Variants in ATXN10 observed in about 807,000 individuals in gnomAD.
ATXN10 encodes ataxin-10.
A neutral mutation model predicts 52.9 loss-of-function variants in ATXN10; 28 were observed. That is an observed-to-expected ratio of 0.53 (90% CI 0.39 to 0.73). The LOEUF (loss-of-function observed/expected upper bound fraction) is 0.73. Among genes scored for constraint, ATXN10 ranks in the 30% least tolerant of loss-of-function variants. The probability of loss-of-function intolerance (pLI) is 0.00; values close to 1 mark genes in which losing one functional copy is unlikely to be tolerated. For missense variants in ATXN10, 565 were observed against 577.0 expected (o/e 0.98, Z 0.21); for synonymous variants, 226 against 221.5 (o/e 1.02, Z -0.18).
chr22:45,748,616 TTA>T (rs1925828167), intron 9 of ATXN10, among the ~76,000 whole-genome samples: 1 of 152,236 alleles, frequency 6.6e-6, no homozygotes, highest in East Asian at 1.9e-4. Context: ...AACTTTTAAA[TTA>T]CAGGGCATAT....
intron 10 of ATXN10, among the ~76,000 whole-genome samples, chr22:45,834,066 C>T (rs549882627): frequency 6.6e-6 from 1 of 152,330 alleles, no homozygotes; most frequent in Admixed American, 6.5e-5. Flanking sequence ...GCCCCTGGCA[C>T]ATCCTGTGTC....
At chr22:45,827,172 C>G (rs560085873) in intron 10 of ATXN10, among the ~76,000 whole-genome samples, 1 of 132,364 alleles carries the variant, frequency 7.6e-6, no homozygotes, top group Non-Finnish European at 1.6e-5. Context: ...CACACACACA[C>G]GGCTATAGAA....
rs2146787823 is a variant in ATXN10 at position 45,728,182 on chromosome 22, G to T, written c.729-1243G>T. Reference sequence around the variant, plus strand: ...TTCTCCATTGTGTTACTGTTTTATAGGTGCTGTGCATTTTGTGCTTTCAAG... The same window carrying T: ...TTCTCCATTGTGTTACTGTTTTATATGTGCTGTGCATTTTGTGCTTTCAAG... On this transcript the variant is annotated intron_variant, in intron 6 of 11. Coordinates refer to ENST00000252934, the MANE Select transcript of ATXN10 (RefSeq NM_013236.4). The surrounding 1 kb of genome is among the most constrained non-coding windows in gnomAD (Gnocchi z 4.3). Among the ~76,000 whole-genome samples the T allele has an allele frequency of 6.6e-6, 1 of 152,126 alleles. No homozygotes were observed. Among genetic ancestry groups the T allele is most frequent in the Middle Eastern group, 3.4e-3 (1 of 292 alleles).
chr22:45,715,513 AG>A lies in ATXN10; in HGVS notation c.648-2899del, dbSNP rs1268094353. 6.6e-6 allele frequency among the ~76,000 whole-genome samples: 1 copy of A among 152,112 alleles called. No homozygotes were observed. The highest frequency in any genetic ancestry group is 1.5e-5 in the Non-Finnish European group (1 of 68,030). On this transcript the variant is annotated intron_variant, in intron 5 of 11. Coordinates refer to ENST00000252934, the MANE Select transcript of ATXN10 (RefSeq NM_013236.4). The surrounding 1 kb of genome is among the most constrained non-coding windows in gnomAD (Gnocchi z 4.4). The stretch of plus-strand genomic sequence containing the variant: ...AATTTGTGAACTTTCTTATAACATG[AG>A]TTGTTTTTGTTATTTGCTGTTGTTG...
At position 45,843,460 on chromosome 22, in the gene ATXN10, A is replaced by G. The variant is rs1406877050; in HGVS notation, c.1426-209A>G. Among the ~76,000 whole-genome samples, 11 of 152,260 alleles carry G rather than the reference A, an allele frequency of 7.2e-5. No homozygotes were observed. Among genetic ancestry groups the G allele is most frequent in the South Asian group, 2.1e-4 (1 of 4,834 alleles). On this transcript the variant is annotated intron_variant, in intron 11 of 11. Transcript: ENST00000252934. The surrounding 1 kb of genome is among the most constrained non-coding windows in gnomAD (Gnocchi z 4.5). Reference sequence around the variant, plus strand: ...TACATGGTCTAAAAGTAAGTTACTCATAGGAATTAGATTTTCTTTAAAAGA... The same window carrying G: ...TACATGGTCTAAAAGTAAGTTACTCGTAGGAATTAGATTTTCTTTAAAAGA...
rs1242799808 is a variant in ATXN10 at position 45,786,721 on chromosome 22, A to G, written c.1174-20238A>G. Among the ~76,000 whole-genome samples, 2 of 152,236 alleles carry G rather than the reference A, an allele frequency of 1.3e-5. No homozygotes were observed. Among genetic ancestry groups the G allele is most frequent in the African/African-American group, 4.8e-5 (2 of 41,470 alleles). Reference sequence around the variant, plus strand: ...TCAGCCTTCCTTTATGGCAAAGGAAAGCCCCAAAGAACATTTTTTACCTAT... The same window carrying G: ...TCAGCCTTCCTTTATGGCAAAGGAAGGCCCCAAAGAACATTTTTTACCTAT... On this transcript the variant is annotated intron_variant, in intron 9 of 11. Coordinates refer to ENST00000252934, the MANE Select transcript of ATXN10 (RefSeq NM_013236.4). The surrounding 1 kb of genome is among the most constrained non-coding windows in gnomAD (Gnocchi z 4.1).
At position 45,684,278 on chromosome 22, in the gene ATXN10, G is replaced by A. The variant is rs755294736; in HGVS notation, c.117-5434G>A. On this transcript the variant is annotated intron_variant, in intron 1 of 11. Transcript: ENST00000252934. The surrounding 1 kb of genome is among the most constrained non-coding windows in gnomAD (Gnocchi z 4.1). ...GCCTTAGTTCCTTTCATTTAGCACA[G>A]TGCGTTTGTTCTGATGAAAGATGAA... Among the ~76,000 whole-genome samples, 9 of 152,086 alleles carry A rather than the reference G, an allele frequency of 5.9e-5. No homozygotes were observed. The highest frequency in any genetic ancestry group is 1.3e-4 in the Non-Finnish European group (9 of 68,026).
In ATXN10 at chr22:45,684,740, C is replaced by T. The variant is rs117040129; in HGVS notation, c.117-4972C>T. ...TTGGTCTGGGTTGTCAGGACGGCTTCGGAATCCTGGATGTGACAGAAGAGG... is the reference window on the plus strand; with the variant it reads ...TTGGTCTGGGTTGTCAGGACGGCTTTGGAATCCTGGATGTGACAGAAGAGG... On this transcript the variant is annotated intron_variant, in intron 1 of 11. Coordinates refer to ENST00000252934, the MANE Select transcript of ATXN10 (RefSeq NM_013236.4). This position sits in a 1 kb window ranked among gnomAD's most constrained non-coding sequence, Gnocchi z 4.1. Among the ~76,000 whole-genome samples, 1,683 of 152,192 alleles carry T rather than the reference C, an allele frequency of 0.011. 23 individuals are homozygous for T. Among genetic ancestry groups the T allele is most frequent in the Non-Finnish European group, 0.015 (1,016 of 68,004 alleles).
chr22:45,805,156 G>A lies in ATXN10; in HGVS notation c.1174-1803G>A, dbSNP rs537492355. Among the ~76,000 whole-genome samples the A allele has an allele frequency of 6.6e-4, 100 of 152,202 alleles. 2 individuals carry two copies. In the South Asian group the frequency reaches 0.02, roughly 31 times the overall value. On this transcript the variant is annotated intron_variant, in intron 9 of 11. Transcript: ENST00000252934. This position sits in a 1 kb window ranked among gnomAD's most constrained non-coding sequence, Gnocchi z 4.4. ...AGAAATGCGCATCAAAACCACAATG[G>A]CATACCACTTCACTTACACTAGAAT...
Position 45,684,161 on chromosome 22 carries a change from G to C in ATXN10, c.117-5551G>C, listed in dbSNP as rs1299278326. Among the ~76,000 whole-genome samples, 1 of 150,440 alleles carries C rather than the reference G, an allele frequency of 6.6e-6. No homozygotes were observed. The highest frequency in any genetic ancestry group is 2.4e-5 in the African/African-American group (1 of 40,850). On this transcript the variant is annotated intron_variant, in intron 1 of 11. Transcript: ENST00000252934. This position sits in a 1 kb window ranked among gnomAD's most constrained non-coding sequence, Gnocchi z 4.1. Reference sequence around the variant, plus strand: ...TGTTTTTTTTTTTTTTGTAGAGATAGGGTCTTGCTATGTTAGGCAGGTCTT... The same window carrying C: ...TGTTTTTTTTTTTTTTGTAGAGATACGGTCTTGCTATGTTAGGCAGGTCTT...
Position 45,707,322 on chromosome 22 carries a change from G to T in ATXN10, c.647+4475G>T, listed in dbSNP as rs151241780. 2.1e-3 allele frequency among the ~76,000 whole-genome samples: 322 copies of T among 152,048 alleles called. 1 individual carries two copies. Among genetic ancestry groups the T allele is most frequent in the African/African-American group, 7.5e-3 (310 of 41,484 alleles). The stretch of plus-strand genomic sequence containing the variant: ...CAGTGTAATCTTTTATCATTCTATT[G>T]AAATTATACCTAATTTTGAAATTAT... On this transcript the variant is annotated intron_variant, in intron 5 of 11. Transcript: ENST00000252934.
At position 45,783,961 on chromosome 22, in the gene ATXN10, C is replaced by T. The variant is rs1173615532; in HGVS notation, c.1174-22998C>T. ...GTCTTCCTAGGTCTGCTGAGGCTGG[C>T]GGCCCACTACCCGCATTTGTCCCTG... On this transcript the variant is annotated intron_variant, in intron 9 of 11. Transcript: ENST00000252934. The surrounding 1 kb of genome is among the most constrained non-coding windows in gnomAD (Gnocchi z 5.0). Among the ~76,000 whole-genome samples the T allele has an allele frequency of 6.6e-6, 1 of 152,138 alleles. No homozygotes were observed. Among genetic ancestry groups the T allele is most frequent in the Non-Finnish European group, 1.5e-5 (1 of 68,022 alleles).
rs1470450822 is a variant in ATXN10, at chr22:45,715,686, C to A, written c.648-2727C>A. On this transcript the variant is annotated intron_variant, in intron 5 of 11. Coordinates refer to ENST00000252934, the MANE Select transcript of ATXN10 (RefSeq NM_013236.4). This position sits in a 1 kb window ranked among gnomAD's most constrained non-coding sequence, Gnocchi z 4.4. ...GTACTGTCGTAGGTAGCCACCTTCA[C>A]CTGAGTGATATTTATAGACCTTCCC... 6.6e-6 allele frequency among the ~76,000 whole-genome samples: 1 copy of A among 152,194 alleles called. No individual in the cohort carries two copies. The highest frequency in any genetic ancestry group is 2.1e-4 in the South Asian group (1 of 4,828).
intron 9 of ATXN10, among the ~76,000 whole-genome samples, chr22:45,792,149 A>G (rs1927535737): frequency 6.6e-6 from 1 of 152,212 alleles, no homozygotes; most frequent in Non-Finnish European, 1.5e-5. Context: ...TAAATAGATT[A>G]AAATAGAAGT....
chr22:45,765,699 T>G (rs556270828), intron 9 of ATXN10, among the ~76,000 whole-genome samples: 2 of 152,220 alleles, frequency 1.3e-5, no homozygotes, highest in Non-Finnish European at 2.9e-5. Flanking sequence ...GTTCAAAATA[T>G]TGGTTGTTCT....
rs942163405 is a variant in ATXN10, at chr22:45,840,042, A to G, written c.1238-2949A>G. 3.3e-5 allele frequency among the ~76,000 whole-genome samples: 5 copies of G among 152,248 alleles called. No homozygotes were observed. Among genetic ancestry groups the G allele is most frequent in the Admixed American group, 3.3e-4 (5 of 15,284 alleles). On this transcript the variant is annotated intron_variant, in intron 10 of 11. Transcript: ENST00000252934. This position sits in a 1 kb window ranked among gnomAD's most constrained non-coding sequence, Gnocchi z 5.8. ...ATTGGTCTTGTTGTGAGGAGTTCACAGTGCATTAGAGTATACAGAAATACA... is the reference window on the plus strand; with the variant it reads ...ATTGGTCTTGTTGTGAGGAGTTCACGGTGCATTAGAGTATACAGAAATACA...
chr22:45,814,865 A>C (rs1459260808), intron 10 of ATXN10, among the ~76,000 whole-genome samples: 1 of 152,224 alleles, frequency 6.6e-6, no homozygotes, highest in Non-Finnish European at 1.5e-5. Context: ...TGCACATGTG[A>C]GGGATCTAGG....
intron 9 of ATXN10, among the ~76,000 whole-genome samples, chr22:45,796,085 G>T (rs1302398400): frequency 6.6e-6 from 1 of 152,200 alleles, no homozygotes; most frequent in Non-Finnish European, 1.5e-5. Context: ...GAGAAATATC[G>T]CTGAATTCTT....
chr22:45,745,994 T>A (rs1925711614), intron 9 of ATXN10, among the ~76,000 whole-genome samples: 1 of 152,212 alleles, frequency 6.6e-6, no homozygotes. Context: ...AGTCTTTTTT[T>A]ATGTTTGAAT....
Sources: gnomAD v4.1 joint callset for allele counts (sites outside exome capture counted in the v4.1 genomes callset) on GRCh38, gnomAD v4.1.1 for gene constraint, Gnocchi (gnomAD v3.1) non-coding constraint, MANE v1.5 for transcripts, NCBI Gene and HGNC (gene_info 2026-07-23, HGNC 2026-07-21) for gene names.